The following MACROD2 variants were observed in gnomAD, a reference collection of about 807,000 sequenced individuals.
MACROD2 encodes ADP-ribose glycohydrolase MACROD2.
In MACROD2, 36 loss-of-function variants were observed where a neutral mutation model predicts 70.4. That is an observed-to-expected ratio of 0.51 (90% confidence interval 0.39 to 0.68). MACROD2 has a LOEUF of 0.68. Among genes scored for constraint, MACROD2 ranks in the 30% least tolerant of loss-of-function variants. MACROD2 has a pLI of 0.00. For missense variants in MACROD2, 496 were observed against 538.4 expected, an observed-to-expected ratio of 0.92 and a Z score of 0.78; for synonymous variants, 172 against 178.8, an observed-to-expected ratio of 0.96 and a Z score of 0.30.
At chr20:14,817,924 G>A (rs564830986) in intron 5 of MACROD2, among the ~76,000 whole-genome samples, 7 of 152,222 alleles carry the variant, frequency 4.6e-5, no homozygotes, top group East Asian at 3.9e-4. Flanking sequence ...AATGAGAGGC[G>A]ATGACCTGTA....
intron 6 of MACROD2, among the ~76,000 whole-genome samples, chr20:15,413,611 A>G (rs2046108385): frequency 1.3e-5 from 2 of 152,170 alleles, no homozygotes; most frequent in African/African-American, 4.8e-5. Flanking sequence ...GAGAGTTCCA[A>G]GAATCTTTAG....
intron 3 of MACROD2, among the ~76,000 whole-genome samples, chr20:14,363,841 A>T (rs1056318604): frequency 5.2e-5 from 7 of 134,046 alleles, no homozygotes; most frequent in South Asian, 2.3e-4. Flanking sequence ...AAAAAAAAAA[A>T]AAAAAAAATA....
intron 4 of MACROD2, among the ~76,000 whole-genome samples, chr20:14,547,776 G>T (rs961492428): frequency 6.6e-6 from 1 of 152,186 alleles, no homozygotes; most frequent in Admixed American, 6.5e-5. Flanking sequence ...CTCCTCGATT[G>T]TGTACCTGAG....
intron 5 of MACROD2, among the ~76,000 whole-genome samples, chr20:14,722,470 CT>C (rs1449604239): frequency 1.3e-5 from 2 of 152,220 alleles, no homozygotes; most frequent in East Asian, 3.8e-4. Context: ...TTCTTTCCCC[CT>C]GTACTTTCCT....
chr20:14,848,015 A>G (rs1164072574), intron 5 of MACROD2, among the ~76,000 whole-genome samples: 1 of 152,234 alleles, frequency 6.6e-6, no homozygotes, highest in Non-Finnish European at 1.5e-5. Flanking sequence ...GAAAAATGCT[A>G]TTCAAACAAA....
At chr20:14,253,688 AGG>A (rs1308568289) in intron 3 of MACROD2, among the ~76,000 whole-genome samples, 1 of 152,140 alleles carries the variant, frequency 6.6e-6, no homozygotes, top group African/African-American at 2.4e-5. Context: ...TTTATCATCA[AGG>A]GGTGAGAATC....
intron 5 of MACROD2, among the ~76,000 whole-genome samples, chr20:14,859,803 G>T (rs1399388151): frequency 6.6e-6 from 1 of 152,026 alleles, no homozygotes; most frequent in Non-Finnish European, 1.5e-5. Context: ...TTAGATCTTT[G>T]CTATGGTCTG....
chr20:15,779,540 C>T (rs1390688797), intron 8 of MACROD2, among the ~76,000 whole-genome samples: 2 of 152,068 alleles, frequency 1.3e-5, no homozygotes, highest in African/African-American at 2.4e-5. Flanking sequence ...CAGCCAGTAA[C>T]AATTAGAGAT....
chr20:15,448,355 C>T (rs1018725275), intron 7 of MACROD2, among the ~76,000 whole-genome samples: 1 of 152,074 alleles, frequency 6.6e-6, no homozygotes, highest in African/African-American at 2.4e-5. Context: ...CAAGCAAGGC[C>T]CCTGGAGGGA....
intron 6 of MACROD2, among the ~76,000 whole-genome samples, chr20:15,410,469 C>T (rs2146323307): frequency 6.6e-6 from 1 of 152,328 alleles, no homozygotes; most frequent in Middle Eastern, 3.4e-3. Context: ...CAACCTGTTC[C>T]TCCTTTGTTA....
intron 5 of MACROD2, among the ~76,000 whole-genome samples, chr20:15,045,719 GT>G (rs71335981): frequency 0.021 from 1,521 of 73,374 alleles, 8 homozygotes; most frequent in Middle Eastern, 0.032. Flanking sequence ...CCAGACCAGG[GT>G]TTTTTTTTTT....
intron 8 of MACROD2, among the ~76,000 whole-genome samples, chr20:15,825,161 TCATGCCCCC>T (rs1217290867): frequency 6.6e-6 from 1 of 152,204 alleles, no homozygotes; most frequent in Admixed American, 6.5e-5. Context: ...AAATTTTTTG[TCATGCCCCC>T]CACTGAAAGG....
intron 5 of MACROD2, among the ~76,000 whole-genome samples, chr20:14,934,418 C>T (rs375792150): frequency 1.3e-5 from 2 of 152,098 alleles, no homozygotes; most frequent in African/African-American, 2.4e-5. Context: ...ACCTTCAACC[C>T]GTCTCCCCAT....
At chr20:15,162,637 C>A (rs2076356767) in intron 5 of MACROD2, among the ~76,000 whole-genome samples, 1 of 152,104 alleles carries the variant, frequency 6.6e-6, no homozygotes, top group Non-Finnish European at 1.5e-5. Context: ...TACCCTCTGG[C>A]AACTGACAGA....
chr20:15,618,230 G>A (rs899058236), intron 8 of MACROD2, among the ~76,000 whole-genome samples: 9 of 149,062 alleles, frequency 6.0e-5, no homozygotes, highest in Admixed American at 2.1e-4. Flanking sequence ...AATCTATTTC[G>A]AGGACAGTAT....
chr20:14,864,822 C>G (rs2073410558), intron 5 of MACROD2, among the ~76,000 whole-genome samples: 3 of 152,066 alleles, frequency 2.0e-5, no homozygotes, highest in African/African-American at 7.2e-5. Flanking sequence ...AAGAAGGTTT[C>G]TAGACCTGTG....
intron 5 of MACROD2, among the ~76,000 whole-genome samples, chr20:15,145,602 T>C (rs538631971): frequency 5.3e-5 from 8 of 152,224 alleles, no homozygotes; most frequent in Non-Finnish European, 1.0e-4. Flanking sequence ...AGGGCTTCTC[T>C]AGTACAGTAC....
chr20:14,154,579 T>G (rs1211394447), intron 3 of MACROD2, among the ~76,000 whole-genome samples: 1 of 53,500 alleles, frequency 1.9e-5, no homozygotes, highest in Non-Finnish European at 3.9e-5. Flanking sequence ...TTTTTTTTTT[T>G]TTTTTTGGAT....
chr20:14,589,437 G>A (rs1326385655), intron 4 of MACROD2, among the ~76,000 whole-genome samples: 4 of 151,982 alleles, frequency 2.6e-5, no homozygotes, highest in Admixed American at 6.6e-5. Flanking sequence ...TTCATTTTAT[G>A]CTTTTTACAT....
Sources: gnomAD v4.1 joint callset for allele counts (sites outside exome capture counted in the v4.1 genomes callset) on GRCh38, gnomAD v4.1.1 for gene constraint, MANE v1.5 for transcripts, NCBI Gene and HGNC (gene_info 2026-07-23, HGNC 2026-07-21) for gene names.